Variants in CACNA2D3 observed in about 807,000 individuals in gnomAD.
CACNA2D3 encodes calcium voltage-gated channel auxiliary subunit alpha2delta 3.
A neutral mutation model predicts 160.6 loss-of-function variants in CACNA2D3; 60 were observed. That is an observed-to-expected ratio of 0.37 (90% CI 0.30 to 0.46). CACNA2D3 has a LOEUF of 0.46. CACNA2D3 is among the 20% of genes least tolerant of loss of function. CACNA2D3 has a pLI of 1.00. For synonymous variants in CACNA2D3, 558 were observed against 492.9 expected (o/e 1.13, Z -1.75); for missense variants, 1,205 against 1,365.0 (o/e 0.88, Z 1.85).
chr3:54,228,910 C>T (rs1170482862), intron 2 of CACNA2D3, among the ~76,000 whole-genome samples: 1 of 152,196 alleles, frequency 6.6e-6, no homozygotes, highest in Non-Finnish European at 1.5e-5. Flanking sequence ...CATGGAAGAC[C>T]CTGAGATCTT....
At chr3:54,279,477 A>G (rs941435894) in intron 2 of CACNA2D3, among the ~76,000 whole-genome samples, 7 of 152,132 alleles carry the variant, frequency 4.6e-5, no homozygotes, top group African/African-American at 1.7e-4. Flanking sequence ...CTCTGGTACT[A>G]CGCTCTTCCC....
intron 35 of CACNA2D3, among the ~76,000 whole-genome samples, chr3:55,058,701 G>T (rs1485552105): frequency 6.6e-6 from 1 of 151,888 alleles, no homozygotes; most frequent in African/African-American, 2.4e-5. Context: ...ATTCATTGCA[G>T]AAAATTGAAA....
intron 11 of CACNA2D3, among the ~76,000 whole-genome samples, chr3:54,661,366 C>T (rs1699966984): frequency 6.6e-6 from 1 of 152,118 alleles, no homozygotes; most frequent in African/African-American, 2.4e-5. Flanking sequence ...CTCAATGGGA[C>T]AGAAACAAAA....
chr3:54,402,351 A>T (rs1699483640), intron 4 of CACNA2D3, among the ~76,000 whole-genome samples: 1 of 152,172 alleles, frequency 6.6e-6, no homozygotes, highest in South Asian at 2.1e-4. Context: ...TAAATTGATT[A>T]AAAAAACAAG....
intron 13 of CACNA2D3, among the ~76,000 whole-genome samples, chr3:54,803,138 T>C (rs540425080): frequency 6.6e-5 from 10 of 152,204 alleles, no homozygotes; most frequent in African/African-American, 2.4e-4. Flanking sequence ...AAGGAAACTC[T>C]AAAAAGCAGA....
intron 5 of CACNA2D3, among the ~76,000 whole-genome samples, chr3:54,531,137 A>G (rs934011252): frequency 2.0e-5 from 3 of 152,242 alleles, no homozygotes; most frequent in African/African-American, 7.2e-5. Flanking sequence ...TCGAGGATGG[A>G]TTATTCGAAG....
intron 17 of CACNA2D3, among the ~76,000 whole-genome samples, chr3:54,869,161 TGTA>T (rs1189682638): frequency 1.3e-5 from 2 of 152,160 alleles, no homozygotes; most frequent in Non-Finnish European, 2.9e-5. Flanking sequence ...CTCTGGAGCT[TGTA>T]GTCTTTTTTC....
At chr3:54,989,431 C>G (rs1475972133) in intron 31 of CACNA2D3, among the ~76,000 whole-genome samples, 6 of 152,162 alleles carry the variant, frequency 3.9e-5, no homozygotes, top group African/African-American at 1.4e-4. Flanking sequence ...TCAGTTATTA[C>G]AGCAACTGCT....
At chr3:54,708,126 G>A (rs1236140759) in intron 11 of CACNA2D3, among the ~76,000 whole-genome samples, 1 of 152,072 alleles carries the variant, frequency 6.6e-6, no homozygotes, top group African/African-American at 2.4e-5. Context: ...AGAACTCAGG[G>A]GCCTTATATT....
chr3:55,004,500 T>G (rs1266068499), intron 31 of CACNA2D3, among the ~76,000 whole-genome samples: 2 of 152,234 alleles, frequency 1.3e-5, no homozygotes, highest in African/African-American at 2.4e-5. Flanking sequence ...AATGACTGTT[T>G]CGTCAAGTTA....
chr3:54,365,498 C>A (rs1310892751), intron 3 of CACNA2D3, among the ~76,000 whole-genome samples: 1 of 152,328 alleles, frequency 6.6e-6, no homozygotes, highest in African/African-American at 2.4e-5. Context: ...CTGCCTCTTT[C>A]TCTCCTACAT....
intron 17 of CACNA2D3, among the ~76,000 whole-genome samples, chr3:54,846,943 G>GAAGCTATTC (rs2106775500): frequency 6.6e-6 from 1 of 152,382 alleles, no homozygotes; most frequent in Admixed American, 6.5e-5. Context: ...CTTGTGGATA[G>GAAGCTATTC]AAGCTATTCA....
intron 4 of CACNA2D3, among the ~76,000 whole-genome samples, chr3:54,470,696 C>G (rs1291901592): frequency 6.7e-6 from 1 of 150,360 alleles, no homozygotes; most frequent in East Asian, 2.0e-4. Context: ...CCCATAGGCT[C>G]AAAATAAAGG....
chr3:54,918,562 G>C, intron 27 of CACNA2D3: 2 of 1,613,928 alleles, frequency 1.2e-6, no homozygotes, highest in Non-Finnish European at 1.7e-6. Context: ...TGCCGCATAG[G>C]TGCAGCCATA....
At chr3:54,252,798 A>G (rs1012444564) in intron 2 of CACNA2D3, among the ~76,000 whole-genome samples, 2 of 152,184 alleles carry the variant, frequency 1.3e-5, no homozygotes, top group Non-Finnish European at 2.9e-5. Flanking sequence ...CCTGCAGTTG[A>G]CCAAGGGCAC....
intron 2 of CACNA2D3, among the ~76,000 whole-genome samples, chr3:54,257,263 AG>A (rs1394720489): frequency 6.6e-6 from 1 of 152,206 alleles, no homozygotes; most frequent in Admixed American, 6.5e-5. Context: ...TCAGCTCAGA[AG>A]GCACCAGAAC....
rs1053716818 is a variant in CACNA2D3, at chr3:54,581,931, T to C, written c.963+54T>C. On this transcript the variant is annotated intron_variant, in intron 9 of 37. Transcript: ENST00000474759. ...TCATGGTACACCCCTGTCTCCCTCA[T>C]AGTGATTGTTTCACAATAAATCTGT... 4.8e-6 allele frequency: 7 copies of C among 1,451,166 alleles called. No individual in the cohort carries two copies. In the South Asian group the frequency reaches 6.0e-5, roughly 13 times the overall value. 89.9% of individuals were successfully genotyped at this position (1,451,166 alleles called of 1,614,324 possible). A position where few individuals can be genotyped will look rare whatever the true frequency, so the allele number is the denominator to read the frequency against.
chr3:54,289,150 A>G (rs1703116172), intron 2 of CACNA2D3, among the ~76,000 whole-genome samples: 1 of 152,212 alleles, frequency 6.6e-6, no homozygotes, highest in Non-Finnish European at 1.5e-5. Flanking sequence ...TTGTATATCT[A>G]GAAAGCCCCA....
chr3:54,169,910 G>C (rs936550040), intron 2 of CACNA2D3, among the ~76,000 whole-genome samples: 2 of 152,088 alleles, frequency 1.3e-5, no homozygotes, highest in African/African-American at 4.8e-5. Flanking sequence ...AGAAATGGCC[G>C]AGCGTGGTGG....
Sources: allele counts gnomAD v4.1 joint callset (sites outside exome capture counted in the v4.1 genomes callset), GRCh38; gene constraint gnomAD v4.1.1; transcripts MANE v1.5; gene names NCBI Gene and HGNC (gene_info 2026-07-23, HGNC 2026-07-21).